EFR3A: variants seen among roughly 807,000 people sequenced by gnomAD.
EFR3A encodes EFR3 homolog A, also known as protein EFR3 homolog A.
A neutral mutation model predicts 104.4 loss-of-function variants in EFR3A; 76 were observed. That is an observed-to-expected ratio of 0.73 (90% CI 0.60 to 0.88). The LOEUF (loss-of-function observed/expected upper bound fraction) is 0.88, where lower values mean the gene tolerates loss of function less well. Among genes scored for constraint, EFR3A ranks in the 40% least tolerant of loss-of-function variants. The probability of loss-of-function intolerance (pLI) is 0.00; values close to 1 mark genes in which losing one functional copy is unlikely to be tolerated. For synonymous variants in EFR3A, 330 were observed against 330.0 expected (o/e 1.00, Z 0.00); for missense variants, 985 against 1,012.5 (o/e 0.97, Z 0.37).
intron 14 of EFR3A, among the ~76,000 whole-genome samples, chr8:131,983,147 G>C (rs1464945490): frequency 6.6e-6 from 1 of 152,178 alleles, no homozygotes; most frequent in Non-Finnish European, 1.5e-5. Context: ...CTCCTAAAAT[G>C]ATCAGAAGAA....
At chr8:131,935,903 G>T (rs1817855716) in intron 1 of EFR3A, among the ~76,000 whole-genome samples, 3 of 151,642 alleles carry the variant, frequency 2.0e-5, no homozygotes, top group African/African-American at 7.3e-5. Flanking sequence ...CAAATTTATA[G>T]AGTTGCATAG....
intron 4 of EFR3A, among the ~76,000 whole-genome samples, chr8:131,948,285 A>G (rs191645983): frequency 6.6e-6 from 1 of 152,230 alleles, no homozygotes; most frequent in East Asian, 1.9e-4. Context: ...TGAGCAAGTT[A>G]TTTATTCTCT....
intron 5 of EFR3A, among the ~76,000 whole-genome samples, chr8:131,951,340 T>G (rs911049117): frequency 2.0e-5 from 3 of 152,090 alleles, no homozygotes; most frequent in African/African-American, 7.2e-5. Flanking sequence ...TGTAAAGCCT[T>G]CTCAGAGGTA....
At chr8:131,956,633 T>C (rs1036777330) in intron 7 of EFR3A, among the ~76,000 whole-genome samples, 1 of 152,224 alleles carries the variant, frequency 6.6e-6, no homozygotes, top group Non-Finnish European at 1.5e-5. Context: ...ATGTATGATA[T>C]TCTAAATGTA....
At chr8:131,944,607 G>A (rs1818329227) in intron 2 of EFR3A, 138 bp from the exon 3 acceptor site, 1 of 813,824 alleles carries the variant, frequency 1.2e-6, no homozygotes, top group Non-Finnish European at 1.8e-6. Flanking sequence ...TAGCACTAAG[G>A]AGGTTATGTG....
At chr8:131,962,512 C>G (rs184878413) in intron 8 of EFR3A, among the ~76,000 whole-genome samples, 280 of 152,192 alleles carry the variant, frequency 1.8e-3, no homozygotes, top group African/African-American at 6.5e-3. Context: ...AGAGCTGACT[C>G]TCCTAAATAT....
At position 131,993,706 on chromosome 8, in the gene EFR3A, GA is replaced by G. The variant is rs201311385; in HGVS notation, c.2066-2687del. Among the ~76,000 whole-genome samples the G allele has an allele frequency of 8.1e-3, 969 of 119,432 alleles. 11 individuals are homozygous for G. Among genetic ancestry groups the G allele is most frequent in the East Asian group, 0.056 (229 of 4,126 alleles). 78.4% of individuals were successfully genotyped at this position (119,432 alleles called of 152,430 possible). On this transcript the variant is annotated intron_variant, in intron 18 of 22. Coordinates refer to ENST00000254624, the MANE Select transcript of EFR3A (RefSeq NM_015137.6). ...AAGCCAAGAGTTGAGACCAGCTTGA[GA>G]AAAAAAAAAAAATACCCCATCTCTG...
rs776966310 is a variant in EFR3A at position 131,987,599 on chromosome 8, T to C, written c.1962T>C (p.His654=). The part of the protein sequence containing the change: ...KCMLPKSLEK[H]EKDLYFLTNK... ...GGCTTCCAAAATCTTTAGAGAAGCA[T>C]GAAAAAGATTTGTACTTTCTGACCA... Residue 654 remains histidine, a synonymous_variant, in exon 18 of 23, where the codon CAT becomes CAC. Coordinates refer to ENST00000254624, the MANE Select transcript of EFR3A (RefSeq NM_015137.6). 1 of 1,597,134 alleles carries C rather than the reference T, an allele frequency of 6.3e-7. No homozygotes were observed. The highest frequency in any genetic ancestry group is 1.1e-5 in the South Asian group (1 of 88,272).
At chr8:131,917,497 G>C (rs930522332) in intron 1 of EFR3A, among the ~76,000 whole-genome samples, 2 of 152,228 alleles carry the variant, frequency 1.3e-5, no homozygotes, top group Admixed American at 1.3e-4. Context: ...AGATTAGAGA[G>C]GGTTGAGTAT....
chr8:131,922,926 C>CT (rs913937329), intron 1 of EFR3A, among the ~76,000 whole-genome samples: 5 of 152,038 alleles, frequency 3.3e-5, no homozygotes, highest in Non-Finnish European at 5.9e-5. Context: ...TCTCCAGGAA[C>CT]TTTTTTGTAA....
At chr8:132,003,087 G>A in intron 21 of EFR3A, 149 bp from the exon 22 acceptor site, 1 of 631,996 alleles carries the variant, frequency 1.6e-6, no homozygotes. Context: ...AGATAAGACA[G>A]ATCAAACCAA....
intron 1 of EFR3A, among the ~76,000 whole-genome samples, chr8:131,912,061 A>G (rs1816538150): frequency 6.6e-6 from 1 of 152,184 alleles, no homozygotes. Context: ...AGCTAGCCTT[A>G]GGGGAAAATG....
At chr8:131,996,115 A>C (rs1237118074) in intron 18 of EFR3A, among the ~76,000 whole-genome samples, 3 of 152,058 alleles carry the variant, frequency 2.0e-5, no homozygotes, top group Non-Finnish European at 4.4e-5. Flanking sequence ...TGCTTTTTTT[A>C]ATTAAACTAT....
At chr8:131,926,799 T>A (rs1390672312) in intron 1 of EFR3A, among the ~76,000 whole-genome samples, 1 of 152,160 alleles carries the variant, frequency 6.6e-6, no homozygotes, top group East Asian at 1.9e-4. Context: ...TTTATGATAA[T>A]CAGTTTAAAC....
intron 22 of EFR3A, among the ~76,000 whole-genome samples, chr8:132,003,883 T>C (rs1411181956): frequency 6.6e-6 from 1 of 152,170 alleles, no homozygotes; most frequent in South Asian, 2.1e-4. Flanking sequence ...TTCCACATAG[T>C]CTTACATTGA....
chr8:131,959,512 C>T, intron 7 of EFR3A, 73 bp from the exon 8 acceptor site: 3 of 1,215,612 alleles, frequency 2.5e-6, no homozygotes, highest in South Asian at 1.4e-5. Flanking sequence ...TAAGCTTTTC[C>T]TATTGTTGAG....
chr8:132,009,867 A>C (rs1020887800), intron 22 of EFR3A, among the ~76,000 whole-genome samples: 9 of 152,102 alleles, frequency 5.9e-5, no homozygotes, highest in African/African-American at 1.9e-4. Context: ...GCTTTTAAGC[A>C]TTTGGCAACA....
intron 1 of EFR3A, among the ~76,000 whole-genome samples, chr8:131,939,357 A>G (rs1056302050): frequency 2.0e-5 from 3 of 152,236 alleles, no homozygotes; most frequent in Admixed American, 6.5e-5. Flanking sequence ...TCCACTAGAC[A>G]CTTCACCATT....
chr8:131,940,723 T>C (rs1010595757), intron 2 of EFR3A, 148 bp downstream of exon 2: 53 of 1,289,730 alleles, frequency 4.1e-5, no homozygotes, highest in Non-Finnish European at 5.4e-5. Context: ...TTCTTTTTTT[T>C]ACTCTTAAAT....
Sources: gnomAD v4.1 joint callset for allele counts (sites outside exome capture counted in the v4.1 genomes callset) on GRCh38, gnomAD v4.1.1 for gene constraint, MANE v1.5 for transcripts, NCBI Gene and HGNC (gene_info 2026-07-23, HGNC 2026-07-21) for gene names.